PREX1: variants seen among roughly 807,000 people sequenced by gnomAD.
The protein encoded by PREX1 is phosphatidylinositol 3,4,5-trisphosphate-dependent Rac exchanger 1 protein.
PREX1 carries 41 observed loss-of-function variants against 198.3 expected under a neutral mutation model. The ratio of observed to expected loss-of-function variants is 0.21; its 90% CI spans 0.16 to 0.27. The LOEUF is 0.27. PREX1 is among the 10% of genes least tolerant of loss of function. PREX1 has a pLI of 1.00. For missense variants in PREX1, 1,620 were observed against 2,200.7 expected (o/e 0.74, Z 5.28); for synonymous variants, 843 against 887.2 (o/e 0.95, Z 0.89).
chr20:48,839,100 C>T, the PREX1 span, among the ~76,000 whole-genome samples: 1 of 142,900 alleles, frequency 7.0e-6, no homozygotes, highest in Non-Finnish European at 1.5e-5. Flanking sequence ...TTTCTTTATA[C>T]TTTTTTCACA....
Position 48,684,017 on chromosome 20 carries a change from T to G in PREX1, c.1335-2682A>C, listed in dbSNP as rs541267574. On this transcript the variant is annotated intron_variant, in intron 10 of 39. Transcript: ENST00000371941. The surrounding 1 kb of genome is among the most constrained non-coding windows in gnomAD (Gnocchi z 4.2). Reference sequence around the variant, plus strand: ...CAGAAAGACACAGCTCAGGACAGTGTGAGGAGAGCTGGAGATACAAGGAGA... The same window carrying G: ...CAGAAAGACACAGCTCAGGACAGTGGGAGGAGAGCTGGAGATACAAGGAGA... Among the ~76,000 whole-genome samples, 1 of 151,930 alleles carries G rather than the reference T, an allele frequency of 6.6e-6. No homozygotes were observed. Among genetic ancestry groups the G allele is most frequent in the Admixed American group, 6.6e-5 (1 of 15,264 alleles).
chr20:48,711,389 C>G (rs1451024079), intron 5 of PREX1, among the ~76,000 whole-genome samples: 1 of 152,126 alleles, frequency 6.6e-6, no homozygotes, highest in Non-Finnish European at 1.5e-5. Context: ...CCCAGGTTCC[C>G]TGAAGTGGTT....
chr20:48,683,030 G>A (rs1012113774), intron 10 of PREX1, among the ~76,000 whole-genome samples: 4 of 152,228 alleles, frequency 2.6e-5, no homozygotes, highest in Admixed American at 2.6e-4. Flanking sequence ...GGCTGCAGAA[G>A]AAATGCATCT....
chr20:48,688,842 G>C (rs1289162448), intron 9 of PREX1, 38 bp from the exon 10 acceptor site: 22 of 1,612,704 alleles, frequency 1.4e-5, no homozygotes, highest in Non-Finnish European at 1.9e-5. Context: ...GAGAGCACCA[G>C]GCCCAGGGCA....
Position 48,764,581 on chromosome 20 carries a change from G to A in PREX1, c.220-16701C>T, listed in dbSNP as rs1014114146. 5.1e-4 allele frequency among the ~76,000 whole-genome samples: 78 copies of A among 152,036 alleles called. 1 individual carries two copies. The highest frequency in any genetic ancestry group is 1.9e-4 in the East Asian group (1 of 5,196). On this transcript the variant is annotated intron_variant, in intron 1 of 39. Transcript: ENST00000371941. Reference sequence around the variant, plus strand: ...GTGGATCACTTGAGGTCAGGATTTTGAGACCAGCCTGGCCAACATACCAAA... The same window carrying A: ...GTGGATCACTTGAGGTCAGGATTTTAAGACCAGCCTGGCCAACATACCAAA...
At chr20:48,884,137 TA>T in the PREX1 span, among the ~76,000 whole-genome samples, 2,495 of 118,920 alleles carry the variant, frequency 0.021, 39 homozygotes, top group Admixed American at 0.053. Flanking sequence ...AAACTCCGTC[TA>T]AAAAAAAAAA....
intron 1 of PREX1, among the ~76,000 whole-genome samples, chr20:48,808,999 A>G (rs1261957604): frequency 1.3e-5 from 2 of 152,246 alleles, no homozygotes; most frequent in African/African-American, 4.8e-5. Flanking sequence ...TGGGTAGGTC[A>G]GGGAACCTTT....
the PREX1 span, among the ~76,000 whole-genome samples, chr20:48,875,954 C>T: frequency 6.6e-6 from 1 of 152,094 alleles, no homozygotes; most frequent in Non-Finnish European, 1.5e-5. Flanking sequence ...AATGCTGGAC[C>T]GTTCACCTGG....
intron 6 of PREX1, among the ~76,000 whole-genome samples, chr20:48,703,458 G>GC (rs929070365): frequency 6.6e-6 from 1 of 152,188 alleles, no homozygotes; most frequent in Non-Finnish European, 1.5e-5. Flanking sequence ...ATGAGGAAGA[G>GC]CCCCTGGGAC....
chr20:48,849,818 G>A, the PREX1 span, among the ~76,000 whole-genome samples: 2 of 152,134 alleles, frequency 1.3e-5, no homozygotes, highest in African/African-American at 4.8e-5. Context: ...GGTGGGGAGT[G>A]GGGGGGAATA....
Position 48,726,360 on chromosome 20 carries a change from G to C in PREX1, c.551C>G (p.Thr184Arg). The C allele has an allele frequency of 6.2e-7, 1 of 1,613,638 alleles. No homozygotes were observed. Among genetic ancestry groups the C allele is most frequent in the Non-Finnish European group, 8.5e-7 (1 of 1,179,834 alleles). ...SCMLLGGRKT[T>R]DIPLEGYLLS... ...CAGGTAGCCTTCCAAAGGGATGTCC[G>C]TGGTCTTCCGGCCTCCCAGAAGCAT... is the stretch of plus-strand genomic sequence containing the variant. The change falls in exon 5 of 40, where the codon ACG becomes AGG. Residue 184 changes from threonine (T) to arginine (R), a missense_variant. By Grantham distance (71) the Thr-to-Arg change is moderately conservative. This residue lies in a region of PREX1 where 488 missense variants were observed against 802.5 expected (regional missense o/e 0.61). Transcript: ENST00000371941.
the PREX1 span, among the ~76,000 whole-genome samples, chr20:48,857,326 G>T: frequency 6.6e-6 from 1 of 152,172 alleles, no homozygotes; most frequent in Non-Finnish European, 1.5e-5. Context: ...CTATAAACCG[G>T]TATAAGATAA....
At chr20:48,792,276 G>C (rs1477391068) in intron 1 of PREX1, among the ~76,000 whole-genome samples, 10 of 152,130 alleles carry the variant, frequency 6.6e-5, no homozygotes, top group Non-Finnish European at 1.5e-5. Context: ...TTCGAGACCA[G>C]CCTGACCAAC....
the PREX1 span, among the ~76,000 whole-genome samples, chr20:48,845,394 C>G: frequency 2.0e-5 from 3 of 152,172 alleles, no homozygotes; most frequent in Non-Finnish European, 4.4e-5. Flanking sequence ...CCAAAACCAA[C>G]TCTGCAAAGC....
intron 1 of PREX1, among the ~76,000 whole-genome samples, chr20:48,748,173 C>T (rs759319260): frequency 6.6e-6 from 1 of 152,188 alleles, no homozygotes; most frequent in Non-Finnish European, 1.5e-5. Context: ...CTTCGAGGAA[C>T]CTTTGGCCCA....
chr20:48,713,857 TAAAA>T (rs71337452), intron 5 of PREX1, among the ~76,000 whole-genome samples: 13 of 81,738 alleles, frequency 1.6e-4, no homozygotes, highest in Admixed American at 7.4e-4. Flanking sequence ...CCCAGAACTA[TAAAA>T]AAAAAAAAAA....
Position 48,700,886 on chromosome 20 carries a change from C to T in PREX1, c.784G>A (p.Gly262Ser). ...QLQSHIEGWE[G>S]SNLTDICTQL... The stretch of plus-strand genomic sequence containing the variant: ...GTGCAGATGTCTGTGAGGTTGGAAC[C>T]CTGGAAGCGCAATGAGGACACAGTG... Residue 262 changes from glycine to serine, a missense_variant and splice_region_variant, in exon 7 of 40, where the codon GGT becomes AGT. Physicochemically the swap from Gly to Ser is moderately conservative, Grantham distance 56. Around this residue, in one of 7 missense-constraint regions of PREX1, gnomAD observed 488 missense variants for 802.5 expected, o/e 0.61. Coordinates refer to ENST00000371941, the MANE Select transcript of PREX1 (RefSeq NM_020820.4). The T allele has an allele frequency of 6.2e-7, 1 of 1,614,106 alleles. No individual in the cohort carries two copies. The highest frequency in any genetic ancestry group is 8.5e-7 in the Non-Finnish European group (1 of 1,179,984).
chr20:48,861,825 G>A, the PREX1 span, among the ~76,000 whole-genome samples: 3 of 152,112 alleles, frequency 2.0e-5, no homozygotes, highest in South Asian at 6.2e-4. Context: ...TCAATTTGTT[G>A]GGATTCCCAG....
intron 5 of PREX1, among the ~76,000 whole-genome samples, chr20:48,724,864 C>A (rs1568840441): frequency 6.6e-6 from 1 of 152,274 alleles, no homozygotes; most frequent in Non-Finnish European, 1.5e-5. Context: ...CCTGAAGCTT[C>A]TTCCACAACC....
Sources: allele counts gnomAD v4.1 joint callset (sites outside exome capture counted in the v4.1 genomes callset), GRCh38; gene constraint gnomAD v4.1.1; regional missense constraint gnomAD v4.1.1; non-coding constraint Gnocchi (gnomAD v3.1); transcripts MANE v1.5; gene names NCBI Gene and HGNC (gene_info 2026-07-23, HGNC 2026-07-21).